The following FN1 variants were observed in gnomAD, a reference collection of about 807,000 sequenced individuals.
FN1 encodes fibronectin.
FN1 carries 106 observed loss-of-function variants against 297.3 expected under a neutral mutation model. The observed-to-expected ratio is 0.36, with a 90% CI of 0.30 to 0.42. FN1 has a LOEUF of 0.42. FN1 is among the 10% of genes least tolerant of loss of function. The pLI, the probability that FN1 is intolerant of heterozygous loss-of-function variation, is 1.00. For missense variants in FN1, 2,690 were observed against 3,124.9 expected (o/e 0.86, Z 3.32); for synonymous variants, 1,149 against 1,152.6 (o/e 1.00, Z 0.06).
At chr2:215,420,342 AAAAC>A (rs2064078112) in intron 11 of FN1, among the ~76,000 whole-genome samples, 1 of 61,656 alleles carries the variant, frequency 1.6e-5, no homozygotes, top group Non-Finnish European at 5.0e-5. Context: ...CTCTCTCAAA[AAAAC>A]AAAAACAAAA....
At chr2:215,389,063 T>A (rs2059386242) in intron 26 of FN1, among the ~76,000 whole-genome samples, 1 of 152,134 alleles carries the variant, frequency 6.6e-6, no homozygotes, top group African/African-American at 2.4e-5. Flanking sequence ...TTTAAAAAAT[T>A]AAATATACAT....
In FN1 at chr2:215,428,217, C is replaced by G. The variant is rs149709418; in HGVS notation, c.807G>C (p.Lys269Asn). The G allele has an allele frequency of 6.2e-7, 1 of 1,614,244 alleles. No homozygotes were observed. Among genetic ancestry groups the G allele is most frequent in the South Asian group, 1.1e-5 (1 of 91,088 alleles). ...ICTGNGRGEW[K>N]CERHTSVQTT... Reference sequence around the variant, plus strand: ...TCTGCACAGAGGTGTGCCTCTCACACTTCCACTCTCCTCGGCCGTTGCCTG... The same window carrying G: ...TCTGCACAGAGGTGTGCCTCTCACAGTTCCACTCTCCTCGGCCGTTGCCTG... Residue 269 changes from lysine (K) to asparagine (N), a missense_variant, in exon 6 of 46, where the codon AAG (lysine) becomes AAC (asparagine). This residue lies in a region of FN1 where 876 missense variants were observed against 1,058.1 expected (regional missense o/e 0.83). Coordinates refer to ENST00000354785, the MANE Select transcript of FN1 (RefSeq NM_212482.4).
Position 215,408,215 on chromosome 2 carries a change from T to C in FN1, c.2429-18A>G. 6.2e-7 allele frequency: 1 copy of C among 1,611,030 alleles called. No individual in the cohort carries two copies. Among genetic ancestry groups the C allele is most frequent in the South Asian group, 1.1e-5 (1 of 90,994 alleles). Reference sequence around the variant, plus strand: ...ATCAGGCGCTAAGAAAGAAAGAAAGTGGGGCAAACAGTCAGGAAGTGCTAC... The same window carrying C: ...ATCAGGCGCTAAGAAAGAAAGAAAGCGGGGCAAACAGTCAGGAAGTGCTAC... On this transcript the variant is annotated intron_variant, in intron 16 of 45. Coordinates refer to ENST00000354785, the MANE Select transcript of FN1 (RefSeq NM_212482.4).
intron 33 of FN1, 32 bp from the exon 34 acceptor site, chr2:215,379,349 T>TTA: frequency 6.3e-7 from 1 of 1,591,970 alleles, no homozygotes. Context: ...AGAGGTTATC[T>TTA]TATAGGAAAT....
chr2:215,373,565 A>G (rs986108083), intron 38 of FN1, among the ~76,000 whole-genome samples, 154 bp from the exon 39 acceptor site: 1 of 152,068 alleles, frequency 6.6e-6, no homozygotes, highest in African/African-American at 2.4e-5. Flanking sequence ...TTTCCTCCAT[A>G]AACACCCAAA....
chr2:215,392,201 A>G, intron 25 of FN1: 1 of 235,878 alleles, frequency 4.2e-6, no homozygotes. Context: ...ACACAGACAA[A>G]AAGACAAGAG....
Position 215,406,283 on chromosome 2 carries a change from T to C in FN1, c.2941A>G (p.Ser981Gly). The C allele has an allele frequency of 6.2e-7, 1 of 1,614,188 alleles. No homozygotes were observed. ...AGAGGCTTGCTCTCCCTCCCATGGCTCACTGCAAAGACTTTGAAGTAATAG... is the reference window on the plus strand; with the variant it reads ...AGAGGCTTGCTCTCCCTCCCATGGCCCACTGCAAAGACTTTGAAGTAATAG... ...VTYYFKVFAV[S>G]HGRESKPLTA... is the part of the protein sequence containing the mutation. The change falls in exon 19 of 46, where the codon AGC becomes GGC. Residue 981 changes from serine (S) to glycine (G), a missense_variant. Around this residue, in one of 3 missense-constraint regions of FN1, gnomAD observed 1,743 missense variants for 1,945.2 expected, o/e 0.90. Coordinates refer to ENST00000354785, the MANE Select transcript of FN1 (RefSeq NM_212482.4).
chr2:215,408,197 G>A lies in FN1; in HGVS notation c.2429C>T (p.Ala810Val), dbSNP rs568343071. Residue 810 changes from alanine to valine, a missense_variant and splice_region_variant, in exon 17 of 46, where the codon GCG (alanine) becomes GTG (valine). Ala to Val is a moderately conservative substitution (Grantham distance 64). This residue lies in a region of FN1 where 876 missense variants were observed against 1,058.1 expected (regional missense o/e 0.83). Coordinates refer to ENST00000354785, the MANE Select transcript of FN1 (RefSeq NM_212482.4). ...SLILSTSQTT[A>V]PDAPPDTTVD... ...AGTCGTGTCAGGAGGGGCATCAGGC[G>A]CTAAGAAAGAAAGAAAGTGGGGCAA... is the stretch of plus-strand genomic sequence containing the variant. The A allele has an allele frequency of 6.8e-6, 11 of 1,613,792 alleles. No homozygotes were observed. Among genetic ancestry groups the A allele is most frequent in the Admixed American group, 5.0e-5 (3 of 59,986 alleles).
chr2:215,392,706 A>G (rs2059841625), intron 25 of FN1: 3 of 581,498 alleles, frequency 5.2e-6, no homozygotes, highest in South Asian at 2.0e-5. Flanking sequence ...CTCTAGCTTT[A>G]TATCTACTTG....
At chr2:215,430,914 T>C in intron 4 of FN1, 62 bp from the exon 5 acceptor site, 1 of 1,583,078 alleles carries the variant, frequency 6.3e-7, no homozygotes, top group Non-Finnish European at 8.6e-7. Context: ...GCAAGCTCCC[T>C]GTAATTTAAA....
chr2:215,412,881 G>T (rs1370037959), intron 13 of FN1, among the ~76,000 whole-genome samples: 9 of 140,266 alleles, frequency 6.4e-5, no homozygotes, highest in Non-Finnish European at 1.1e-4. Flanking sequence ...CATTTTTCAT[G>T]TAAATGTTTA....
chr2:215,383,900 G>T (rs768005395), intron 30 of FN1, 120 bp downstream of exon 30: 13 of 1,112,536 alleles, frequency 1.2e-5, no homozygotes, highest in Non-Finnish European at 1.7e-5. Flanking sequence ...GCTAGCTGCA[G>T]GTTGTTGCTC....
chr2:215,419,417 C>G, intron 11 of FN1, 32 bp from the exon 12 acceptor site: 1 of 1,588,824 alleles, frequency 6.3e-7, no homozygotes. Context: ...GATAAACAGC[C>G]TTGAAGACTT....
At position 215,422,101 on chromosome 2, in the gene FN1, C is replaced by T. The variant is rs776139418; in HGVS notation, c.1536G>A (p.Ser512=). Residue 512 remains serine (S), a synonymous_variant, in exon 10 of 46, where the codon TCG becomes TCA. Transcript: ENST00000354785. ...GRGEWTCIAY[S]QLRDQCIVDD... ...AATCAGCCAGCATACCTCGAAGCTG[C>T]GAGTAGGCAATGCATGTCCATTCCC... The T allele has an allele frequency of 4.5e-5, 72 of 1,614,006 alleles. No individual in the cohort carries two copies. Among genetic ancestry groups the T allele is most frequent in the African/African-American group, 2.8e-4 (21 of 74,920 alleles).
intron 44 of FN1, chr2:215,364,607 G>A: frequency 1.9e-6 from 1 of 535,716 alleles, no homozygotes; most frequent in East Asian, 3.3e-5. Flanking sequence ...GACAGGTGTT[G>A]CTATTAAGAA....
At chr2:215,384,728 T>C (rs962814995) in intron 29 of FN1, 132 bp downstream of exon 29, 9 of 711,888 alleles carry the variant, frequency 1.3e-5, no homozygotes, top group Middle Eastern at 8.0e-4. Flanking sequence ...CGTATTTTCT[T>C]GGAAAAAACA....
Position 215,397,154 on chromosome 2 carries a change from T to C in FN1, c.3587A>G (p.Glu1196Gly), listed in dbSNP as rs926020403. ...AAACTTACCTGGGGTGGTGCTCCTC[T>C]CCCAGGAGACTGTGAGCACTCCAGT... ...PDTGVLTVSW[E>G]RSTTPDITGY... Residue 1196 changes from glutamate to glycine, a missense_variant, in exon 23 of 46, where the codon GAG becomes GGG. Glu to Gly is a moderately conservative substitution (Grantham distance 98). Around this residue, in one of 3 missense-constraint regions of FN1, gnomAD observed 1,743 missense variants for 1,945.2 expected, o/e 0.90. Transcript: ENST00000354785. 2.1e-5 allele frequency: 34 copies of C among 1,613,430 alleles called. No individual in the cohort carries two copies. Among genetic ancestry groups the C allele is most frequent in the Non-Finnish European group, 2.9e-5 (34 of 1,179,368 alleles).
chr2:215,384,224 G>C, intron 29 of FN1, 40 bp from the exon 30 acceptor site: 1 of 1,594,200 alleles, frequency 6.3e-7, no homozygotes, highest in Non-Finnish European at 8.6e-7. Flanking sequence ...GAGGGGTTTA[G>C]AGCTACTTGG....
chr2:215,412,314 T>C (rs1240237370), intron 13 of FN1, among the ~76,000 whole-genome samples: 1 of 152,152 alleles, frequency 6.6e-6, no homozygotes, highest in African/African-American at 2.4e-5. Context: ...GGGAATCTGT[T>C]TCCATTTTCT....
Sources: allele counts gnomAD v4.1 joint callset (sites outside exome capture counted in the v4.1 genomes callset), GRCh38; gene constraint gnomAD v4.1.1; regional missense constraint gnomAD v4.1.1; transcripts MANE v1.5; gene names NCBI Gene and HGNC (gene_info 2026-07-23, HGNC 2026-07-21).